CCR4: variants seen among roughly 807,000 people sequenced by gnomAD.
CCR4 encodes C-C motif chemokine receptor 4, also known as C-C chemokine receptor type 4.
In CCR4, 9 loss-of-function variants were observed where a neutral mutation model predicts 17.1. That is an observed-to-expected ratio of 0.53 (90% CI 0.32 to 0.92). The LOEUF is 0.92. Ranked by LOEUF, CCR4 falls within the 40% of genes least tolerant of loss-of-function variation. The pLI, the probability that CCR4 is intolerant of heterozygous loss-of-function variation, is 0.04. For missense variants in CCR4, 385 were observed against 433.9 expected, an observed-to-expected ratio of 0.89 and a Z score of 1.00; for synonymous variants, 217 against 174.3, an observed-to-expected ratio of 1.24 and a Z score of -1.93.
At position 32,953,673 on chromosome 3, in the gene CCR4, C is replaced by T. The variant is rs865822844; in HGVS notation, c.251C>T (p.Ser84Leu). ...GTGTACCTGCTCAACCTTGCCATCTCGGATCTGCTCTTCGTGTTTTCCCTC... is the reference window on the plus strand; with the variant it reads ...GTGTACCTGCTCAACCTTGCCATCTTGGATCTGCTCTTCGTGTTTTCCCTC... ...TDVYLLNLAI[S>L]DLLFVFSLPF... Residue 84 changes from serine (S) to leucine (L), a missense_variant, in exon 2 of 2, where the codon TCG (serine) becomes TTG (leucine). By Grantham distance (145) the Ser-to-Leu change is moderately radical. Coordinates refer to ENST00000330953, the MANE Select transcript of CCR4 (RefSeq NM_005508.5). 8 of 1,613,934 alleles carry T rather than the reference C, an allele frequency of 5.0e-6. No homozygotes were observed. In the African/African-American group the frequency reaches 9.3e-5, roughly 19 times the overall value.
Position 32,953,512 on chromosome 3 carries a change from C to G in CCR4, c.90C>G (p.Thr30=). The change falls in exon 2 of 2, where the codon ACC becomes ACG. Residue 30 remains threonine, a synonymous_variant. Coordinates refer to ENST00000330953, the MANE Select transcript of CCR4 (RefSeq NM_005508.5). Reference sequence around the variant, plus strand: ...ATGAAAGTATCCCCAAGCCTTGCACCAAAGAAGGCATCAAGGCATTTGGGG... The same window carrying G: ...ATGAAAGTATCCCCAAGCCTTGCACGAAAGAAGGCATCAAGGCATTTGGGG... The part of the protein sequence containing the change: ...YLYESIPKPC[T]KEGIKAFGEL... 1 of 1,614,078 alleles carries G rather than the reference C, an allele frequency of 6.2e-7. No homozygotes were observed. The highest frequency in any genetic ancestry group is 1.1e-5 in the South Asian group (1 of 91,078).
In CCR4 at chr3:32,953,610, T is replaced by C; in HGVS notation, c.188T>C (p.Val63Ala). 1 of 1,614,062 alleles carries C rather than the reference T, an allele frequency of 6.2e-7. No individual in the cohort carries two copies. Among genetic ancestry groups the C allele is most frequent in the Non-Finnish European group, 8.5e-7 (1 of 1,180,026 alleles). Residue 63 changes from valine to alanine, a missense_variant, in exon 2 of 2, where the codon GTC becomes GCC. Transcript: ENST00000330953. ...GLLGNSVVVL[V>A]LFKYKRLRSM... ...CTTGGAAATTCTGTGGTGGTTCTGG[T>C]CCTGTTCAAATACAAGCGGCTCAGG... is the stretch of plus-strand genomic sequence containing the variant.
rs1158863884 is a variant in CCR4, at chr3:32,956,273, TTAA to T, written c.*1772_*1774del. 1 of 166,922 alleles carries T rather than the reference TTAA, an allele frequency of 6.0e-6. No homozygotes were observed. The highest frequency in any genetic ancestry group is 1.9e-4 in the East Asian group (1 of 5,188). 10.3% of individuals were successfully genotyped at this position (166,922 alleles called of 1,614,324 possible). On this transcript the variant is annotated 3_prime_UTR_variant, in exon 2 of 2. Transcript: ENST00000330953. ...GTCTCTTCATAATTAAAATTAAGGA[TTAA>T]TAAAGTATGACAATACCTCCTTAAT...
chr3:32,953,725 C>T lies in CCR4; in HGVS notation c.303C>T (p.Asp101=). The T allele has an allele frequency of 6.2e-7, 1 of 1,613,996 alleles. No homozygotes were observed. Among genetic ancestry groups the T allele is most frequent in the East Asian group, 2.2e-5 (1 of 44,884 alleles). Residue 101 remains aspartate (D), a synonymous_variant, in exon 2 of 2, where the codon GAC becomes GAT. Transcript: ENST00000330953. ...SLPFWGYYAA[D]QWVFGLGLCK... The stretch of plus-strand genomic sequence containing the variant: ...CTTTTTGGGGCTACTATGCAGCAGA[C>T]CAGTGGGTTTTTGGGCTAGGTCTGT...
chr3:32,954,754 T>TGA lies in CCR4; in HGVS notation c.*252_*253dup. The stretch of plus-strand genomic sequence containing the variant: ...TGCCTGCAGGCATGAGTCAGTCTGA[T>TGA]GAGAACTCTGAGCAGTGCTTGAATG... On this transcript the variant is annotated 3_prime_UTR_variant, in exon 2 of 2. Coordinates refer to ENST00000330953, the MANE Select transcript of CCR4 (RefSeq NM_005508.5). The TGA allele has an allele frequency of 2.2e-6, 1 of 452,176 alleles. No homozygotes were observed. Among genetic ancestry groups the TGA allele is most frequent in the Non-Finnish European group, 4.0e-6 (1 of 249,164 alleles). 28.0% of individuals were successfully genotyped at this position (452,176 alleles called of 1,614,324 possible).
At chr3:32,953,278 G>A (rs1697698857) in intron 1 of CCR4, 94 bp from the exon 2 acceptor site, 1 of 922,692 alleles carries the variant, frequency 1.1e-6, no homozygotes, top group African/African-American at 1.7e-5. Context: ...ATACAGACCT[G>A]GAGCAAAACA....
rs777424844 is a variant in CCR4, at chr3:32,954,226, G to A, written c.804G>A (p.Val268=). The A allele has an allele frequency of 1.2e-6, 2 of 1,614,052 alleles. No homozygotes were observed. Among genetic ancestry groups the A allele is most frequent in the Non-Finnish European group, 1.7e-6 (2 of 1,179,950 alleles). Residue 268 remains valine (V), a synonymous_variant, in exon 2 of 2, where the codon GTG becomes GTA. Transcript: ENST00000330953. ...YNIVLFLETL[V]ELEVLQDCTF... is the part of the protein sequence containing the mutation. ...TAGTGCTCTTCCTAGAGACCCTGGT[G>A]GAGCTAGAAGTCCTTCAGGACTGCA...
At position 32,953,576 on chromosome 3, in the gene CCR4, T is replaced by G. The variant is rs1250109340; in HGVS notation, c.154T>G (p.Phe52Val). 2 of 1,614,106 alleles carry G rather than the reference T, an allele frequency of 1.2e-6. No homozygotes were observed. The highest frequency in any genetic ancestry group is 1.7e-6 in the Non-Finnish European group (2 of 1,180,024). Residue 52 changes from phenylalanine to valine, a missense_variant, in exon 2 of 2, where the codon TTT becomes GTT. Coordinates refer to ENST00000330953, the MANE Select transcript of CCR4 (RefSeq NM_005508.5). ...CCCACTGTATTCCTTGGTTTTTGTATTTGGTCTGCTTGGAAATTCTGTGGT... is the reference window on the plus strand; with the variant it reads ...CCCACTGTATTCCTTGGTTTTTGTAGTTGGTCTGCTTGGAAATTCTGTGGT... ...LPPLYSLVFV[F>V]GLLGNSVVVL...
At position 32,954,380 on chromosome 3, in the gene CCR4, A is replaced by G; in HGVS notation, c.958A>G (p.Lys320Glu). Residue 320 changes from lysine (K) to glutamate (E), a missense_variant, in exon 2 of 2, where the codon AAA (lysine) becomes GAA (glutamate). Lys to Glu is a moderately conservative substitution (Grantham distance 56). Transcript: ENST00000330953. ...TCGCAAGTACATCCTACAGCTCTTC[A>G]AAACCTGCAGGGGCCTTTTTGTGCT... The part of the protein sequence containing the change: ...KFRKYILQLF[K>E]TCRGLFVLCQ... 1.2e-6 allele frequency: 2 copies of G among 1,613,794 alleles called. No individual in the cohort carries two copies. The highest frequency in any genetic ancestry group is 1.7e-6 in the Non-Finnish European group (2 of 1,179,914).
Position 32,951,672 on chromosome 3 carries a change from C to G in CCR4, c.-70C>G, listed in dbSNP as rs1254463227. 6.6e-6 allele frequency: 1 copy of G among 152,602 alleles called. No homozygotes were observed. Among genetic ancestry groups the G allele is most frequent in the Non-Finnish European group, 1.5e-5 (1 of 68,068 alleles). 9.5% of individuals were successfully genotyped at this position (152,602 alleles called of 1,614,324 possible). ...ATTGCCTCACAGACCTTCCTCAGAGCCGCTTTCAGAAAAGCAAGGTAAGCA... is the reference window on the plus strand; with the variant it reads ...ATTGCCTCACAGACCTTCCTCAGAGGCGCTTTCAGAAAAGCAAGGTAAGCA... On this transcript the variant is annotated 5_prime_UTR_variant, in exon 1 of 2. Transcript: ENST00000330953.
At position 32,953,671 on chromosome 3, in the gene CCR4, C is replaced by A. The variant is rs1047009800; in HGVS notation, c.249C>A (p.Ile83=). ...MTDVYLLNLA[I]SDLLFVFSLP... ...ATGTGTACCTGCTCAACCTTGCCAT[C>A]TCGGATCTGCTCTTCGTGTTTTCCC... The change falls in exon 2 of 2, where the codon ATC becomes ATA. Residue 83 remains isoleucine (I), a synonymous_variant. Coordinates refer to ENST00000330953, the MANE Select transcript of CCR4 (RefSeq NM_005508.5). 3 of 1,614,060 alleles carry A rather than the reference C, an allele frequency of 1.9e-6. No individual in the cohort carries two copies. The highest frequency in any genetic ancestry group is 2.5e-6 in the Non-Finnish European group (3 of 1,180,038).
rs1697724566 is a variant in CCR4 at position 32,954,023 on chromosome 3, C to T, written c.601C>T (p.Leu201Phe). ...TCTCAACTCCACGACGTGGAAGGTT[C>T]TCAGCTCCCTGGAAATCAACATTCT... ...YSLNSTTWKV[L>F]SSLEINILGL... The change falls in exon 2 of 2, where the codon CTC (leucine) becomes TTC (phenylalanine). Residue 201 changes from leucine to phenylalanine, a missense_variant. Transcript: ENST00000330953. 2 of 1,614,156 alleles carry T rather than the reference C, an allele frequency of 1.2e-6. No homozygotes were observed. Among genetic ancestry groups the T allele is most frequent in the Non-Finnish European group, 1.7e-6 (2 of 1,180,036 alleles).
At chr3:32,952,056 TCTC>T (rs72341220) in intron 1 of CCR4, among the ~76,000 whole-genome samples, 8,544 of 152,190 alleles carry the variant, frequency 0.056, 461 homozygotes, top group African/African-American at 0.14. Context: ...GGCTTTTTGT[TCTC>T]CTGATAATTT....
rs1697716206 is a variant in CCR4 at position 32,953,566 on chromosome 3, G to C, written c.144G>C (p.Leu48Phe). 6.2e-7 allele frequency: 1 copy of C among 1,613,960 alleles called. No individual in the cohort carries two copies. Among genetic ancestry groups the C allele is most frequent in the Admixed American group, 1.7e-5 (1 of 59,988 alleles). The change falls in exon 2 of 2, where the codon TTG becomes TTC. Residue 48 changes from leucine (L) to phenylalanine (F), a missense_variant. Coordinates refer to ENST00000330953, the MANE Select transcript of CCR4 (RefSeq NM_005508.5). ...GELFLPPLYSLVFVFGLLGNS... is the reference protein window; with the variant it reads ...GELFLPPLYSFVFVFGLLGNS... Reference sequence around the variant, plus strand: ...TCTTCCTGCCCCCACTGTATTCCTTGGTTTTTGTATTTGGTCTGCTTGGAA... The same window carrying C: ...TCTTCCTGCCCCCACTGTATTCCTTCGTTTTTGTATTTGGTCTGCTTGGAA...
Position 32,954,526 on chromosome 3 carries a change from C to T in CCR4, c.*21C>T, listed in dbSNP as rs575302301. 5.3e-6 allele frequency: 8 copies of T among 1,513,090 alleles called. No homozygotes were observed. The South Asian group carries it at 9.6e-5, about 18-fold the overall frequency. 93.7% of individuals were successfully genotyped at this position (1,513,090 alleles called of 1,614,324 possible). On this transcript the variant is annotated 3_prime_UTR_variant, in exon 2 of 2. Coordinates refer to ENST00000330953, the MANE Select transcript of CCR4 (RefSeq NM_005508.5). ...TGTAGAAAAATGAAATGGTGAAATG[C>T]AGAGTCAATGAACTTTCCACATTCA... is the stretch of plus-strand genomic sequence containing the variant.
intron 1 of CCR4, among the ~76,000 whole-genome samples, chr3:32,953,069 A>T (rs1372561755): frequency 6.6e-6 from 1 of 152,208 alleles, no homozygotes; most frequent in Admixed American, 6.5e-5. Context: ...CACATCCTCA[A>T]AGAACACCTG....
rs1387058800 is a variant in CCR4, at chr3:32,954,217, G to A, written c.795G>A (p.Glu265=). 2 of 1,614,000 alleles carry A rather than the reference G, an allele frequency of 1.2e-6. No homozygotes were observed. Among genetic ancestry groups the A allele is most frequent in the Non-Finnish European group, 1.7e-6 (2 of 1,179,922 alleles). ...WTPYNIVLFL[E]TLVELEVLQD... ...CTTACAACATAGTGCTCTTCCTAGA[G>A]ACCCTGGTGGAGCTAGAAGTCCTTC... Residue 265 remains glutamate (E), a synonymous_variant, in exon 2 of 2, where the codon GAG becomes GAA. Transcript: ENST00000330953.
rs1027774992 is a variant in CCR4, at chr3:32,955,308, G to A, written c.*803G>A. The A allele has an allele frequency of 6.0e-6, 1 of 166,658 alleles. No individual in the cohort carries two copies. Among genetic ancestry groups the A allele is most frequent in the Non-Finnish European group, 1.5e-5 (1 of 68,102 alleles). 10.3% of individuals were successfully genotyped at this position (166,658 alleles called of 1,614,324 possible). A position where few individuals can be genotyped will look rare whatever the true frequency, so the allele number is the denominator to read the frequency against. ...TCCCAGCACTGTGGGAGGCCAAGGT[G>A]GGCGGATCACCTGAGGTCAGGAGTT... On this transcript the variant is annotated 3_prime_UTR_variant, in exon 2 of 2. Coordinates refer to ENST00000330953, the MANE Select transcript of CCR4 (RefSeq NM_005508.5).
At position 32,956,002 on chromosome 3, in the gene CCR4, A is replaced by G. The variant is rs1235519020; in HGVS notation, c.*1497A>G. On this transcript the variant is annotated 3_prime_UTR_variant, in exon 2 of 2. Coordinates refer to ENST00000330953, the MANE Select transcript of CCR4 (RefSeq NM_005508.5). ...AGTGCAGTGGCACTCGGTTCACTGC[A>G]AAGTCTGCCTCCCAGGTTCAAGCGA... 6.4e-6 allele frequency: 1 copy of G among 155,418 alleles called. No individual in the cohort carries two copies. Among genetic ancestry groups the G allele is most frequent in the Non-Finnish European group, 1.5e-5 (1 of 68,092 alleles). 9.6% of individuals were successfully genotyped at this position (155,418 alleles called of 1,614,324 possible).
Sources: allele counts gnomAD v4.1 joint callset (sites outside exome capture counted in the v4.1 genomes callset), GRCh38; gene constraint gnomAD v4.1.1; transcripts MANE v1.5; gene names NCBI Gene and HGNC (gene_info 2026-07-23, HGNC 2026-07-21).